The following ADPRHL1 variants were observed in gnomAD, a reference collection of about 807,000 sequenced individuals.
The protein encoded by ADPRHL1 is inactive ADP-ribosyltransferase ARH2.
A neutral mutation model predicts 44.1 loss-of-function variants in ADPRHL1; 43 were observed. That is an observed-to-expected ratio of 0.98 (90% CI 0.76 to 1.26). The LOEUF (loss-of-function observed/expected upper bound fraction) is 1.26, where lower values mean the gene tolerates loss of function less well. ADPRHL1 is among the 50% of genes most tolerant of loss of function. The pLI is 0.00. For synonymous variants in ADPRHL1, 878 were observed against 1,017.4 expected (o/e 0.86, Z 2.61); for missense variants, 2,022 against 2,496.9 (o/e 0.81, Z 4.05).
intron 4 of ADPRHL1, 70 bp downstream of exon 4, chr13:113,428,882 G>A (rs2043986037): frequency 1.3e-6 from 2 of 1,593,232 alleles, no homozygotes; most frequent in African/African-American, 1.3e-5. Flanking sequence ...AAGTATTTGG[G>A]GGCCCATGGA....
At chr13:113,446,457 C>T (rs2044138587) in intron 1 of ADPRHL1, among the ~76,000 whole-genome samples, 1 of 152,230 alleles carries the variant, frequency 6.6e-6, no homozygotes, top group South Asian at 2.1e-4. Flanking sequence ...GAGGGGCAGT[C>T]CTGGGAGGCG....
chr13:113,415,865 T>C (rs2043885066), intron 7 of ADPRHL1, among the ~76,000 whole-genome samples: 1 of 151,946 alleles, frequency 6.6e-6, no homozygotes, highest in Non-Finnish European at 1.5e-5. Context: ...CTCCTAACAT[T>C]TTACAAATAA....
chr13:113,424,370 C>T (rs41315960), intron 5 of ADPRHL1, 21 bp from the exon 6 acceptor site: 53,785 of 1,612,250 alleles, frequency 0.033, 1,082 homozygotes, highest in African/African-American at 0.085. Context: ...AGCCGTGGGT[C>T]GGGGCGTGTG....
intron 3 of ADPRHL1, among the ~76,000 whole-genome samples, chr13:113,431,242 C>T (rs1328628357): frequency 6.6e-6 from 1 of 152,250 alleles, no homozygotes; most frequent in Non-Finnish European, 1.5e-5. Context: ...GAAAAGATGA[C>T]CCTAAGCCCA....
Position 113,403,670 on chromosome 13 carries a change from C to T in ADPRHL1, c.5612G>A (p.Gly1871Asp). 2.4e-6 allele frequency: 3 copies of T among 1,231,996 alleles called. No individual in the cohort carries two copies. The South Asian group carries it at 1.2e-4, about 51-fold the overall frequency. The allele number at this position is 1,231,996 out of a possible 1,614,324, so 76.3% of individuals were successfully genotyped here. Residue 1871 changes from glycine to aspartate, a missense_variant, in exon 8 of 8, where the codon GGC (glycine) becomes GAC (aspartate). Physicochemically the swap from Gly to Asp is moderately conservative, Grantham distance 94. This residue lies in a region of ADPRHL1 where 205 missense variants were observed against 250.1 expected (regional missense o/e 0.82). Coordinates refer to ENST00000612156, the MANE Select transcript of ADPRHL1 (RefSeq NM_001394807.1). ...CAGGGGAGAGGTGGCAATGCTCTTG[C>T]CCCTGAGGGGGCGGCTTCCTGGGGG... The part of the protein sequence containing the change: ...YPPPGSRPLR[G>D]KSIATSPLGL...
intron 3 of ADPRHL1, among the ~76,000 whole-genome samples, chr13:113,432,267 G>A (rs187381482): frequency 4.6e-5 from 7 of 152,040 alleles, no homozygotes; most frequent in Admixed American, 1.3e-4. Flanking sequence ...GGTGCGTGCC[G>A]TCATGCCTGG....
chr13:113,406,807 A>G lies in ADPRHL1; in HGVS notation c.2475T>C (p.Ala825=). ...KVPEHIPPLN[A]PSVQAARRTQ... ...TTCTCCGAGCAGCCTGGACCGATGG[A>G]GCGTTCAGGGGTGGGATGTGCTCCG... is the stretch of plus-strand genomic sequence containing the variant. Residue 825 remains alanine, a synonymous_variant, in exon 8 of 8, where the codon GCT becomes GCC. Transcript: ENST00000612156. 1 of 1,231,900 alleles carries G rather than the reference A, an allele frequency of 8.1e-7. No homozygotes were observed. The highest frequency in any genetic ancestry group is 1.0e-6 in the Non-Finnish European group (1 of 987,966). The allele number at this position is 1,231,900 out of a possible 1,614,324, so 76.3% of individuals were successfully genotyped here. A position where few individuals can be genotyped will look rare whatever the true frequency, so the allele number is the denominator to read the frequency against.
At position 113,414,140 on chromosome 13, in the gene ADPRHL1, G is replaced by A. The variant is rs368624214; in HGVS notation, c.1062-5920C>T. Among the ~76,000 whole-genome samples the A allele has an allele frequency of 2.0e-5, 3 of 152,360 alleles. No individual in the cohort carries two copies. The South Asian group carries it at 6.2e-4, about 32-fold the overall frequency. On this transcript the variant is annotated intron_variant, in intron 7 of 7. Coordinates refer to ENST00000612156, the MANE Select transcript of ADPRHL1 (RefSeq NM_001394807.1). ...CCGCAGTTTCCTCCTCTGAGAGAAG[G>A]GCAGGGCCGGTTTCACGTGGCAGCT...
rs1209961831 is a variant in ADPRHL1, at chr13:113,403,199, C to A, written c.*179G>T. ...GTGGCTCTGTGGGGTGACAGGAACC[C>A]GACCCACATGTAGCTCAATCCTCCC... On this transcript the variant is annotated 3_prime_UTR_variant, in exon 8 of 8. Transcript: ENST00000612156. 2.1e-5 allele frequency: 11 copies of A among 522,182 alleles called. No homozygotes were observed. The highest frequency in any genetic ancestry group is 3.2e-5 in the Non-Finnish European group (11 of 342,452). The allele number at this position is 522,182 out of a possible 1,614,324, so 32.3% of individuals were successfully genotyped here.
Position 113,421,760 on chromosome 13 carries a change from G to C in ADPRHL1, c.1061+1066C>G, listed in dbSNP as rs929457650. On this transcript the variant is annotated intron_variant, in intron 7 of 7. Coordinates refer to ENST00000612156, the MANE Select transcript of ADPRHL1 (RefSeq NM_001394807.1). Reference sequence around the variant, plus strand: ...TCATCCCATAGAAGAAGACGCCCGTGGGGGTAGGGCTTGTATTTTGGATGC... The same window carrying C: ...TCATCCCATAGAAGAAGACGCCCGTCGGGGTAGGGCTTGTATTTTGGATGC... 7.9e-5 allele frequency among the ~76,000 whole-genome samples: 12 copies of C among 152,332 alleles called. No individual in the cohort carries two copies. The Middle Eastern group carries it at 0.01, about 130-fold the overall frequency.
Position 113,425,054 on chromosome 13 carries a change from T to C in ADPRHL1, c.772A>G (p.Lys258Glu). Reference sequence around the variant, plus strand: ...CCCAGTGCCAGGACAAGGCTTACCTTTTCCCTCTCTTCTGCATCATAATTG... The same window carrying C: ...CCCAGTGCCAGGACAAGGCTTACCTCTTCCCTCTCTTCTGCATCATAATTG... ...PDNYDAEERE[K>E]TYRKWSSEGR... Residue 258 changes from lysine to glutamate, a missense_variant and splice_region_variant, in exon 5 of 8, where the codon AAG becomes GAG. By Grantham distance (56) the Lys-to-Glu change is moderately conservative. Around this residue, in one of 8 missense-constraint regions of ADPRHL1, gnomAD observed 437 missense variants for 430.7 expected, o/e 1.01. Coordinates refer to ENST00000612156, the MANE Select transcript of ADPRHL1 (RefSeq NM_001394807.1). The C allele has an allele frequency of 6.2e-7, 1 of 1,613,492 alleles. No homozygotes were observed. The highest frequency in any genetic ancestry group is 8.5e-7 in the Non-Finnish European group (1 of 1,179,886).
In ADPRHL1 at chr13:113,429,004, C is replaced by T; in HGVS notation, c.594G>A (p.Arg198=). The T allele has an allele frequency of 4.3e-6, 7 of 1,612,870 alleles. No individual in the cohort carries two copies. The highest frequency in any genetic ancestry group is 5.9e-6 in the Non-Finnish European group (7 of 1,180,016). The part of the protein sequence containing the change: ...PLVQWGRDML[R]AVPLAEEYCR... ...AGTACTCTTCTGCCAGAGGCACCGC[C>T]CGCAGCATGTCTCTCCCCCACTGGA... Residue 198 remains arginine (R), a synonymous_variant, in exon 4 of 8, where the codon CGG becomes CGA. Transcript: ENST00000612156.
At position 113,404,910 on chromosome 13, in the gene ADPRHL1, C is replaced by T; in HGVS notation, c.4372G>A (p.Ala1458Thr). Residue 1458 changes from alanine (A) to threonine (T), a missense_variant, in exon 8 of 8, where the codon GCG becomes ACG. Transcript: ENST00000612156. The stretch of plus-strand genomic sequence containing the variant: ...GCAGCCCTGGTGCCCTCTCCCCACG[C>T]CGTGCTCCGCCCCCGCTCCTCCCAG... ...GPWEERGRST[A>T]WGEGTRAARN... 8.0e-7 allele frequency: 1 copy of T among 1,243,996 alleles called. No homozygotes were observed. The allele number at this position is 1,243,996 out of a possible 1,614,324, so 77.1% of individuals were successfully genotyped here.
rs888398260 is a variant in ADPRHL1, at chr13:113,408,008, C to A, written c.1274G>T (p.Arg425Leu). 4.1e-6 allele frequency: 5 copies of A among 1,232,690 alleles called. No individual in the cohort carries two copies. In the African/African-American group the frequency reaches 7.8e-5, roughly 19 times the overall value. The allele number at this position is 1,232,690 out of a possible 1,614,324, so 76.4% of individuals were successfully genotyped here. Residue 425 changes from arginine to leucine, a missense_variant, in exon 8 of 8, where the codon CGG (arginine) becomes CTG (leucine). By Grantham distance (102) the Arg-to-Leu change is moderately radical. This residue lies in a region of ADPRHL1 where 1,221 missense variants were observed against 1,517.8 expected (regional missense o/e 0.80). Transcript: ENST00000612156. The part of the protein sequence containing the change: ...HQPQTQEATQ[R>L]PTRFQLLQAK... ...CTGCAGGAGCTGGAAGCGCGTGGGC[C>A]GCTGGGTGGCCTCCTGGGTCTGGGG...
chr13:113,436,718 T>C (rs1372852005), intron 2 of ADPRHL1, among the ~76,000 whole-genome samples: 1 of 6,912 alleles, frequency 1.4e-4, no homozygotes, highest in East Asian at 4.2e-3. Flanking sequence ...AGGGTGAACA[T>C]AGGTGTACCC....
intron 7 of ADPRHL1, among the ~76,000 whole-genome samples, chr13:113,414,494 C>T (rs1009469943): frequency 1.3e-5 from 2 of 150,972 alleles, no homozygotes; most frequent in Non-Finnish European, 3.0e-5. Context: ...AGCTCAGTCC[C>T]GGCCTCCCCG....
intron 1 of ADPRHL1, among the ~76,000 whole-genome samples, chr13:113,447,355 T>C (rs1373435483): frequency 6.6e-6 from 1 of 150,906 alleles, no homozygotes; most frequent in Non-Finnish European, 1.5e-5. Context: ...ACTCACGGTG[T>C]TGTGTGTGTA....
In ADPRHL1 at chr13:113,406,374, TC is replaced by T. The variant is rs532845932; in HGVS notation, c.2907del (p.Asn970IlefsTer16). 9,524 of 1,232,134 alleles carry T rather than the reference TC, an allele frequency of 7.7e-3. 46 individuals carry two copies. The highest frequency in any genetic ancestry group is 9.1e-3 in the Non-Finnish European group (9,000 of 987,984). 76.3% of individuals were successfully genotyped at this position (1,232,134 alleles called of 1,614,324 possible). A position where few individuals can be genotyped will look rare whatever the true frequency, so the allele number is the denominator to read the frequency against. On this transcript the variant is annotated frameshift_variant, in exon 8 of 8. Coordinates refer to ENST00000612156, the MANE Select transcript of ADPRHL1 (RefSeq NM_001394807.1). LOFTEE classifies it low-confidence loss of function (END_TRUNC). ...KGSFENSHGP[R>X]NPDDISGERT... is the part of the protein sequence containing the mutation. Reference sequence around the variant, plus strand: ...CTCTCTCCTGAAATATCGTCAGGATTCCTGGGACCGTGTGAATTCTCAAAGC... The same window carrying T: ...CTCTCTCCTGAAATATCGTCAGGATTCTGGGACCGTGTGAATTCTCAAAGC...
chr13:113,427,086 T>C (rs556317901), intron 4 of ADPRHL1, among the ~76,000 whole-genome samples: 6 of 152,364 alleles, frequency 3.9e-5, no homozygotes, highest in African/African-American at 1.4e-4. Flanking sequence ...AGCTTTAAAC[T>C]GGTATCTGTG....
Sources: allele counts gnomAD v4.1 joint callset (sites outside exome capture counted in the v4.1 genomes callset), GRCh38; gene constraint gnomAD v4.1.1; regional missense constraint gnomAD v4.1.1; transcripts MANE v1.5; gene names NCBI Gene and HGNC (gene_info 2026-07-23, HGNC 2026-07-21).